The following CGREF1 variants were observed in gnomAD, a reference collection of about 807,000 sequenced individuals.
CGREF1 encodes the protein cell growth regulator with EF-hand domain 1.
A neutral mutation model predicts 17.4 loss-of-function variants in CGREF1; 16 were observed. That is an observed-to-expected ratio of 0.92 (90% CI 0.62 to 1.40). The LOEUF (loss-of-function observed/expected upper bound fraction) is 1.40, where lower values mean the gene tolerates loss of function less well. CGREF1 is among the 40% of genes most tolerant of loss of function. The pLI, the probability that CGREF1 is intolerant of heterozygous loss-of-function variation, is 0.00. For missense variants in CGREF1, 296 were observed against 376.4 expected (o/e 0.79, Z 1.77); for synonymous variants, 142 against 154.6 (o/e 0.92, Z 0.61).
chr2:27,114,288 C>T (rs749530302), intron 1 of CGREF1, among the ~76,000 whole-genome samples: 47 of 152,096 alleles, frequency 3.1e-4, no homozygotes, highest in Admixed American at 4.6e-4. Context: ...CCACCACACC[C>T]GGCCCTCAGA....
chr2:27,107,933 C>CAAAAA (rs143132359), intron 1 of CGREF1, among the ~76,000 whole-genome samples: 13 of 95,372 alleles, frequency 1.4e-4, no homozygotes, highest in South Asian at 4.0e-4. Context: ...GACTCTGTCT[C>CAAAAA]AAAAAAAAAA....
chr2:27,100,397 T>C, downstream of CGREF1: 1 of 1,279,452 alleles, frequency 7.8e-7, no homozygotes, highest in South Asian at 1.2e-5. Context: ...AGCCTGAAAG[T>C]CTCACCCTTG....
rs1670778537 is a variant in CGREF1 at position 27,100,836 on chromosome 2, G to A, written c.*438C>T. The A allele has an allele frequency of 9.1e-7, 1 of 1,100,954 alleles. No homozygotes were observed. The highest frequency in any genetic ancestry group is 1.1e-6 in the Non-Finnish European group (1 of 899,476). 68.2% of individuals were successfully genotyped at this position (1,100,954 alleles called of 1,614,324 possible). A position where few individuals can be genotyped will look rare whatever the true frequency, so the allele number is the denominator to read the frequency against. On this transcript the variant is annotated 3_prime_UTR_variant, in exon 6 of 6. Coordinates refer to ENST00000402394, the MANE Select transcript of CGREF1 (RefSeq NM_006569.6). Reference sequence around the variant, plus strand: ...GTCACCTGCCCTGAGCTGCAGGAGAGCATGGGGTGTCTGAACACCAGGTGA... The same window carrying A: ...GTCACCTGCCCTGAGCTGCAGGAGAACATGGGGTGTCTGAACACCAGGTGA...
rs919120323 is a variant in CGREF1, at chr2:27,105,086, G to A, written c.-11-709C>T. On this transcript the variant is annotated intron_variant, in intron 1 of 5. Coordinates refer to ENST00000402394, the MANE Select transcript of CGREF1 (RefSeq NM_006569.6). ...GGCAAAATCAACCACTTGAGTATAT[G>A]AAAACAGTCAAGGATAGAATGGACC... Among the ~76,000 whole-genome samples the A allele has an allele frequency of 2.6e-4, 39 of 152,202 alleles. 1 individual carries two copies. Among genetic ancestry groups the A allele is most frequent in the Non-Finnish European group, 5.9e-5 (4 of 68,036 alleles).
At position 27,100,849 on chromosome 2, in the gene CGREF1, G is replaced by C. The variant is rs921236023; in HGVS notation, c.*425C>G. The C allele has an allele frequency of 3.7e-6, 4 of 1,094,688 alleles. No individual in the cohort carries two copies. The highest frequency in any genetic ancestry group is 4.5e-6 in the Non-Finnish European group (4 of 896,466). The allele number at this position is 1,094,688 out of a possible 1,614,324, so 67.8% of individuals were successfully genotyped here. ...AGCTGCAGGAGAGCATGGGGTGTCT[G>C]AACACCAGGTGAGGGGGAACCGGTG... On this transcript the variant is annotated 3_prime_UTR_variant, in exon 6 of 6. Transcript: ENST00000402394.
intron 1 of CGREF1, among the ~76,000 whole-genome samples, chr2:27,116,892 T>TCC (rs1671595934): frequency 5.1e-5 from 6 of 116,868 alleles, no homozygotes; most frequent in East Asian, 2.5e-4. Flanking sequence ...TCTCTCTCTC[T>TCC]CTCTCTCTCT....
At chr2:27,116,557 T>G (rs1252021897) in intron 1 of CGREF1, among the ~76,000 whole-genome samples, 6 of 150,184 alleles carry the variant, frequency 4.0e-5, no homozygotes, top group Non-Finnish European at 7.4e-5. Context: ...AAGTAAATGA[T>G]GTGGACTTTC....
intron 2 of CGREF1, 66 bp downstream of exon 2, chr2:27,104,221 A>C: frequency 6.7e-7 from 1 of 1,484,008 alleles, no homozygotes; most frequent in African/African-American, 1.4e-5. Context: ...GGCCCACCAC[A>C]CCCTTGGATT....
chr2:27,104,871 C>T, intron 1 of CGREF1: 1 of 1,333,178 alleles, frequency 7.5e-7, no homozygotes, highest in Non-Finnish European at 1.0e-6. Flanking sequence ...CACTGAAGAA[C>T]AAATCAAAAG....
chr2:27,101,709 T>C lies in CGREF1; in HGVS notation c.522A>G (p.Lys174=). Residue 174 remains lysine, a synonymous_variant, in exon 6 of 6, where the codon AAA becomes AAG. Transcript: ENST00000402394. The part of the protein sequence containing the change: ...QAVGRQSLLA[K]SPLRQETQEA... ...CCTGTGTTTCTTGTCTTAATGGGCTTTTAGCTAATAGGGACTGCCTTCCAA... is the reference window on the plus strand; with the variant it reads ...CCTGTGTTTCTTGTCTTAATGGGCTCTTAGCTAATAGGGACTGCCTTCCAA... 6.2e-7 allele frequency: 1 copy of C among 1,614,212 alleles called. No individual in the cohort carries two copies. The highest frequency in any genetic ancestry group is 1.7e-5 in the Admixed American group (1 of 60,030).
In CGREF1 at chr2:27,100,619, G is replaced by C; in HGVS notation, c.*655C>G. 8.4e-7 allele frequency: 1 copy of C among 1,186,188 alleles called. No individual in the cohort carries two copies. Among genetic ancestry groups the C allele is most frequent in the Non-Finnish European group, 1.1e-6 (1 of 900,544 alleles). The allele number at this position is 1,186,188 out of a possible 1,614,324, so 73.5% of individuals were successfully genotyped here. A position where few individuals can be genotyped will look rare whatever the true frequency, so the allele number is the denominator to read the frequency against. The stretch of plus-strand genomic sequence containing the variant: ...TGGATTAAAATCTGCCATTTAATTA[G>C]CTGCATATCACCTTAGGGTACAGCA... On this transcript the variant is annotated 3_prime_UTR_variant, in exon 6 of 6. Transcript: ENST00000402394.
chr2:27,103,777 G>A (rs1671003917), intron 2 of CGREF1, among the ~76,000 whole-genome samples: 3 of 148,604 alleles, frequency 2.0e-5, no homozygotes, highest in African/African-American at 2.5e-5. Context: ...AAGGTCAAGA[G>A]TTCGAGACCA....
Position 27,100,884 on chromosome 2 carries a change from G to A in CGREF1, c.*390C>T, listed in dbSNP as rs891046076. ...TGAGGGGGAACCGGTGAGGGTTTGG[G>A]GCCCAGGGATAGACTGAGCTTTCCT... On this transcript the variant is annotated 3_prime_UTR_variant, in exon 6 of 6. Coordinates refer to ENST00000402394, the MANE Select transcript of CGREF1 (RefSeq NM_006569.6). The A allele has an allele frequency of 1.8e-6, 2 of 1,092,538 alleles. No individual in the cohort carries two copies. The highest frequency in any genetic ancestry group is 3.3e-5 in the African/African-American group (2 of 59,930). 67.7% of individuals were successfully genotyped at this position (1,092,538 alleles called of 1,614,324 possible).
chr2:27,104,787 C>T (rs1671055407), intron 1 of CGREF1: 1 of 1,462,888 alleles, frequency 6.8e-7, no homozygotes, highest in African/African-American at 1.4e-5. Context: ...GTAAGAAACG[C>T]AGGGAGTCAC....
chr2:27,116,639 A>G (rs960651711), intron 1 of CGREF1, among the ~76,000 whole-genome samples: 17 of 141,108 alleles, frequency 1.2e-4, no homozygotes, highest in Non-Finnish European at 2.3e-4. Context: ...GCGCGATCTC[A>G]GCTCACCACA....
intron 1 of CGREF1, among the ~76,000 whole-genome samples, chr2:27,116,640 G>C (rs1453127171): frequency 6.8e-6 from 1 of 147,670 alleles, no homozygotes; most frequent in Admixed American, 6.8e-5. Context: ...CGCGATCTCA[G>C]CTCACCACAA....
intron 1 of CGREF1, 195 bp downstream of exon 1, chr2:27,118,651 C>T (rs1402291256): frequency 1.3e-5 from 2 of 152,434 alleles, no homozygotes; most frequent in Admixed American, 6.5e-5. Context: ...CTCTCCAGTC[C>T]CTTCCTCCAC....
chr2:27,111,189 T>C (rs1671366172), intron 1 of CGREF1, among the ~76,000 whole-genome samples: 1 of 151,860 alleles, frequency 6.6e-6, no homozygotes, highest in South Asian at 2.1e-4. Context: ...GAGAGCGGAG[T>C]GGTCTGTTTT....
At chr2:27,111,590 C>G (rs933303699) in intron 1 of CGREF1, among the ~76,000 whole-genome samples, 8 of 152,196 alleles carry the variant, frequency 5.3e-5, no homozygotes, top group African/African-American at 1.9e-4. Context: ...AGGCTTGGGC[C>G]GTGCAGGAGC....
Sources: gnomAD v4.1 joint callset for allele counts (sites outside exome capture counted in the v4.1 genomes callset) on GRCh38, gnomAD v4.1.1 for gene constraint, MANE v1.5 for transcripts, NCBI Gene and HGNC (gene_info 2026-07-23, HGNC 2026-07-21) for gene names.